Variants in ELOVL7 observed in about 807,000 individuals in gnomAD.
ELOVL7 encodes ELOVL fatty acid elongase 7.
ELOVL7 carries 27 observed loss-of-function variants against 35.7 expected under a neutral mutation model. The ratio of observed to expected loss-of-function variants is 0.76; its 90% CI spans 0.56 to 1.04. ELOVL7 has a LOEUF of 1.04. Among genes scored for constraint, ELOVL7 ranks in the 50% least tolerant of loss-of-function variants. ELOVL7 has a pLI of 0.00. For synonymous variants in ELOVL7, 113 were observed against 114.6 expected (o/e 0.99, Z 0.09); for missense variants, 327 against 340.8 (o/e 0.96, Z 0.32).
At chr5:60,792,944 C>T (rs1361005479) in intron 2 of ELOVL7, among the ~76,000 whole-genome samples, 1 of 152,156 alleles carries the variant, frequency 6.6e-6, no homozygotes, top group African/African-American at 2.4e-5. Context: ...CTGCCTCATC[C>T]GAGGTCTGAC....
intron 1 of ELOVL7, among the ~76,000 whole-genome samples, chr5:60,810,288 A>G (rs1745170136): frequency 6.6e-6 from 1 of 152,208 alleles, no homozygotes; most frequent in Non-Finnish European, 1.5e-5. Context: ...CTATATTTCA[A>G]TACTTAACAC....
At position 60,837,323 on chromosome 5, in the gene ELOVL7, GA is replaced by G. The variant is rs1392811218; in HGVS notation, c.-86+6836del. 6.9e-3 allele frequency among the ~76,000 whole-genome samples: 501 copies of G among 72,424 alleles called. 54 individuals are homozygous for G. The highest frequency in any genetic ancestry group is 0.037 in the Middle Eastern group (5 of 134). 47.5% of individuals were successfully genotyped at this position (72,424 alleles called of 152,430 possible). On this transcript the variant is annotated intron_variant, in intron 1 of 8. Coordinates refer to ENST00000508821, the MANE Select transcript of ELOVL7 (RefSeq NM_024930.3). The stretch of plus-strand genomic sequence containing the variant: ...GTGGTAGGGCGGGGGGGTGGGGGGG[GA>G]GTGGGGGGTGGGGGTGGCGCTTGTC...
At chr5:60,766,680 C>T (rs761205957) in intron 5 of ELOVL7, 50 bp from the exon 6 acceptor site, 1 of 1,539,142 alleles carries the variant, frequency 6.5e-7, no homozygotes, top group Non-Finnish European at 8.9e-7. Flanking sequence ...GGAAGAAAAG[C>T]TTATATTTTT....
chr5:60,821,053 C>T (rs6449505), intron 1 of ELOVL7, among the ~76,000 whole-genome samples: 118,074 of 152,076 alleles, frequency 0.78, 46,064 homozygotes, highest in East Asian at 0.91. Context: ...GCCTAGTTCA[C>T]TTCCGTCTTT....
chr5:60,810,372 AATTCATTC>A (rs1484690048), intron 1 of ELOVL7, among the ~76,000 whole-genome samples: 1 of 152,222 alleles, frequency 6.6e-6, no homozygotes, highest in East Asian at 1.9e-4. Context: ...GGAGATGATG[AATTCATTC>A]ATTTATTAAA....
chr5:60,782,254 C>T (rs998891159), intron 3 of ELOVL7, among the ~76,000 whole-genome samples: 2 of 152,010 alleles, frequency 1.3e-5, no homozygotes, highest in Non-Finnish European at 2.9e-5. Flanking sequence ...AGATAACAAG[C>T]GTTGGCAAGG....
intron 2 of ELOVL7, among the ~76,000 whole-genome samples, chr5:60,796,800 G>A (rs1237303807): frequency 1.3e-5 from 2 of 152,202 alleles, no homozygotes; most frequent in Non-Finnish European, 2.9e-5. Context: ...CAAAAGTTAA[G>A]GTTGGTTTAG....
At chr5:60,813,550 A>C (rs898301087) in intron 1 of ELOVL7, among the ~76,000 whole-genome samples, 1 of 152,054 alleles carries the variant, frequency 6.6e-6, no homozygotes, top group African/African-American at 2.4e-5. Context: ...CCAATGTAAA[A>C]ATCTCTATTT....
chr5:60,793,640 A>C lies in ELOVL7; in HGVS notation c.-35+5540T>G, dbSNP rs114459359. Reference sequence around the variant, plus strand: ...GATGTGGACCTCCTACAAAGTGAGCAGCAGAGGACAGAAGCAAGAGATCCT... The same window carrying C: ...GATGTGGACCTCCTACAAAGTGAGCCGCAGAGGACAGAAGCAAGAGATCCT... On this transcript the variant is annotated intron_variant, in intron 2 of 8. Coordinates refer to ENST00000508821, the MANE Select transcript of ELOVL7 (RefSeq NM_024930.3). 7.2e-3 allele frequency among the ~76,000 whole-genome samples: 1,098 copies of C among 152,318 alleles called. 9 individuals are homozygous for C. The highest frequency in any genetic ancestry group is 0.025 in the African/African-American group (1,052 of 41,562).
chr5:60,803,039 T>C (rs1431206009), intron 1 of ELOVL7, among the ~76,000 whole-genome samples: 1 of 152,184 alleles, frequency 6.6e-6, no homozygotes, highest in African/African-American at 2.4e-5. Context: ...GGGAACTTCT[T>C]TGTGTCTCTT....
At chr5:60,757,798 G>T (rs1284165575) in intron 7 of ELOVL7, among the ~76,000 whole-genome samples, 153 bp from the exon 8 acceptor site, 1 of 151,958 alleles carries the variant, frequency 6.6e-6, no homozygotes, top group Non-Finnish European at 1.5e-5. Context: ...AATTAGAGGG[G>T]GCTGGATAGT....
intron 1 of ELOVL7, among the ~76,000 whole-genome samples, chr5:60,808,405 T>C (rs1297521758): frequency 6.6e-6 from 1 of 152,202 alleles, no homozygotes; most frequent in African/African-American, 2.4e-5. Flanking sequence ...CCTGGTTAAA[T>C]TGATGAACTC....
intron 3 of ELOVL7, chr5:60,784,143 C>G (rs758286437): frequency 2.9e-5 from 44 of 1,520,306 alleles, no homozygotes; most frequent in Non-Finnish European, 3.8e-5. Flanking sequence ...AGAGTATTCT[C>G]TTCTTAAGTA....
intron 1 of ELOVL7, among the ~76,000 whole-genome samples, chr5:60,833,913 CT>C (rs35257212): frequency 1.3e-5 from 2 of 152,038 alleles, no homozygotes; most frequent in East Asian, 3.9e-4. Context: ...TAAGTTTGGC[CT>C]TTTTTCATCA....
chr5:60,760,038 T>C (rs1304490735), intron 7 of ELOVL7, among the ~76,000 whole-genome samples: 1 of 152,242 alleles, frequency 6.6e-6, no homozygotes, highest in Non-Finnish European at 1.5e-5. Flanking sequence ...CAGTCTATCA[T>C]TGTTGGACAT....
At chr5:60,761,615 C>T (rs996960190) in intron 7 of ELOVL7, among the ~76,000 whole-genome samples, 5 of 151,882 alleles carry the variant, frequency 3.3e-5, no homozygotes, top group Admixed American at 6.6e-5. Flanking sequence ...GAGATTGTGA[C>T]GGGTATTGAA....
At chr5:60,817,739 A>G (rs928584119) in intron 1 of ELOVL7, among the ~76,000 whole-genome samples, 12 of 118,312 alleles carry the variant, frequency 1.0e-4, no homozygotes, top group African/African-American at 3.1e-4. Flanking sequence ...CCATATATAT[A>G]CACACACACC....
intron 1 of ELOVL7, among the ~76,000 whole-genome samples, chr5:60,836,212 A>AT (rs748813745): frequency 2.6e-5 from 4 of 151,866 alleles, no homozygotes; most frequent in Non-Finnish European, 5.9e-5. Flanking sequence ...ATCCACTACC[A>AT]TTTTTTTCCT....
intron 1 of ELOVL7, among the ~76,000 whole-genome samples, chr5:60,812,339 G>A (rs1223955312): frequency 2.6e-5 from 4 of 152,260 alleles, no homozygotes; most frequent in Middle Eastern, 6.8e-3. Context: ...TTTGACAATA[G>A]AGAACCAAAT....
Sources: allele counts gnomAD v4.1 joint callset (sites outside exome capture counted in the v4.1 genomes callset), GRCh38; gene constraint gnomAD v4.1.1; transcripts MANE v1.5; gene names NCBI Gene and HGNC (gene_info 2026-07-23, HGNC 2026-07-21).